Variants in PIK3CD observed in about 807,000 individuals in gnomAD.
PIK3CD encodes phosphatidylinositol-4,5-bisphosphate 3-kinase catalytic subunit delta.
PIK3CD carries 20 observed loss-of-function variants against 122.9 expected under a neutral mutation model. That is an observed-to-expected ratio of 0.16 (90% CI 0.11 to 0.24). PIK3CD has a LOEUF of 0.24. PIK3CD is among the 10% of genes least tolerant of loss of function. The pLI is 1.00. For missense variants in PIK3CD, 787 were observed against 1,406.3 expected (o/e 0.56, Z 7.04); for synonymous variants, 596 against 593.4 (o/e 1.00, Z -0.06).
At chr1:9,725,585 G>T (rs1649411477) in intron 23 of PIK3CD, among the ~76,000 whole-genome samples, 1 of 148,934 alleles carries the variant, frequency 6.7e-6, no homozygotes. Context: ...AATAAAAAAA[G>T]ATATTTTTCC....
At chr1:9,671,964 T>C (rs1308884021) in intron 1 of PIK3CD, among the ~76,000 whole-genome samples, 15 of 152,148 alleles carry the variant, frequency 9.9e-5, no homozygotes, top group Admixed American at 9.8e-4. Context: ...GATTCTGGTG[T>C]CACCTGTGAG....
At position 9,710,650 on chromosome 1, in the gene PIK3CD, GAGAGAC is replaced by G; in HGVS notation, c.141+56_141+61del. ...TGGTGCTCAGAGAGAGAGAGAGAGA[GAGAGAC>G]ACAGATAGACAGACAGACAGACAGA... is the stretch of plus-strand genomic sequence containing the variant. On this transcript the variant is annotated intron_variant, in intron 3 of 23. Coordinates refer to ENST00000377346, the MANE Select transcript of PIK3CD (RefSeq NM_005026.5). The surrounding 1 kb of genome is among the most constrained non-coding windows in gnomAD (Gnocchi z 4.7). 2 of 1,583,528 alleles carry G rather than the reference GAGAGAC, an allele frequency of 1.3e-6. No individual in the cohort carries two copies. Among genetic ancestry groups the G allele is most frequent in the South Asian group, 1.1e-5 (1 of 90,388 alleles).
At chr1:9,677,016 C>T (rs1274588366) in intron 1 of PIK3CD, among the ~76,000 whole-genome samples, 1 of 152,168 alleles carries the variant, frequency 6.6e-6, no homozygotes, top group Non-Finnish European at 1.5e-5. Flanking sequence ...GTCCAGAGCC[C>T]TCTATGTCAT....
chr1:9,685,902 C>T (rs1311149287), intron 1 of PIK3CD, among the ~76,000 whole-genome samples: 3 of 152,174 alleles, frequency 2.0e-5, no homozygotes, highest in Non-Finnish European at 4.4e-5. Flanking sequence ...GTCTTGTCCC[C>T]ACTCAGCAGT....
intron 1 of PIK3CD, among the ~76,000 whole-genome samples, chr1:9,657,724 C>T (rs1303055686): frequency 6.6e-6 from 1 of 152,192 alleles, no homozygotes; most frequent in Non-Finnish European, 1.5e-5. Flanking sequence ...CTCTCTCTCT[C>T]TCTGAGGTCA....
intron 1 of PIK3CD, among the ~76,000 whole-genome samples, chr1:9,676,234 CA>C (rs996388451): frequency 2.0e-5 from 3 of 152,022 alleles, no homozygotes; most frequent in Non-Finnish European, 4.4e-5. Flanking sequence ...CCAGCCACAC[CA>C]AGCTAATTTT....
chr1:9,658,410 T>C (rs1644919644), intron 1 of PIK3CD, among the ~76,000 whole-genome samples: 1 of 150,484 alleles, frequency 6.6e-6, no homozygotes, highest in Non-Finnish European at 1.5e-5. Flanking sequence ...AAAAGTCATT[T>C]ATGTCCAGGT....
chr1:9,726,389 G>A (rs530758021), intron 23 of PIK3CD, among the ~76,000 whole-genome samples: 13 of 150,610 alleles, frequency 8.6e-5, no homozygotes, highest in Middle Eastern at 3.5e-3. Context: ...GCTGCCTGTA[G>A]TCCCAGCTAC....
Position 9,728,842 on chromosome 1 carries a change from G to GTTAA in PIK3CD, c.*1797_*1800dup, listed in dbSNP as rs1272003294. 1 of 152,182 alleles carries GTTAA rather than the reference G, an allele frequency of 6.6e-6. No individual in the cohort carries two copies. Among genetic ancestry groups the GTTAA allele is most frequent in the African/African-American group, 2.4e-5 (1 of 41,434 alleles). The allele number at this position is 152,182 out of a possible 1,614,324, so 9.4% of individuals were successfully genotyped here. A position where few individuals can be genotyped will look rare whatever the true frequency, so the allele number is the denominator to read the frequency against. On this transcript the variant is annotated 3_prime_UTR_variant, in exon 24 of 24. Transcript: ENST00000377346. ...GTTTCTGTCTGGGGAAGGCAAGTTA[G>GTTAA]TTAAGTATCACTGATGTGGGTTGAG...
chr1:9,635,404 T>G, the PIK3CD span, among the ~76,000 whole-genome samples: 1 of 152,074 alleles, frequency 6.6e-6, no homozygotes, highest in Non-Finnish European at 1.5e-5. Flanking sequence ...CCTCTGCATA[T>G]CCGCTCCTCT....
chr1:9,718,749 C>G lies in PIK3CD; in HGVS notation c.1076C>G (p.Ser359Cys). 1 of 1,609,754 alleles carries G rather than the reference C, an allele frequency of 6.2e-7. No individual in the cohort carries two copies. The highest frequency in any genetic ancestry group is 8.5e-7 in the Non-Finnish European group (1 of 1,179,946). ...HGNEMLCKTV[S>C]SSEVSVCSEP... Reference sequence around the variant, plus strand: ...AACGAGATGCTGTGCAAGACGGTGTCCAGCTCGGAGGTGAGCGTGTGCTCG... The same window carrying G: ...AACGAGATGCTGTGCAAGACGGTGTGCAGCTCGGAGGTGAGCGTGTGCTCG... Residue 359 changes from serine (S) to cysteine (C), a missense_variant, in exon 9 of 24, where the codon TCC becomes TGC. By Grantham distance (112) the Ser-to-Cys change is moderately radical. Transcript: ENST00000377346. The surrounding 1 kb of genome is among the most constrained non-coding windows in gnomAD (Gnocchi z 7.2).
intron 1 of PIK3CD, among the ~76,000 whole-genome samples, chr1:9,686,368 T>TC (rs1457504484): frequency 6.6e-6 from 1 of 150,640 alleles, no homozygotes; most frequent in African/African-American, 2.4e-5. Context: ...TAATTTTCTT[T>TC]TTTTTTTTTT....
At chr1:9,726,169 C>T (rs940670172) in intron 23 of PIK3CD, among the ~76,000 whole-genome samples, 13 of 151,410 alleles carry the variant, frequency 8.6e-5, no homozygotes, top group Non-Finnish European at 1.6e-4. Flanking sequence ...GCCTAGATCG[C>T]GCCACTGCAC....
chr1:9,728,869 C>CCA lies in PIK3CD; in HGVS notation c.*1824_*1825dup, dbSNP rs1650120068. 1 of 152,102 alleles carries CCA rather than the reference C, an allele frequency of 6.6e-6. No homozygotes were observed. Among genetic ancestry groups the CCA allele is most frequent in the Admixed American group, 6.5e-5 (1 of 15,268 alleles). The allele number at this position is 152,102 out of a possible 1,614,324, so 9.4% of individuals were successfully genotyped here. On this transcript the variant is annotated 3_prime_UTR_variant, in exon 24 of 24. Coordinates refer to ENST00000377346, the MANE Select transcript of PIK3CD (RefSeq NM_005026.5). ...TAAGTATCACTGATGTGGGTTGAGA[C>CCA]CAGCACTCTGTGAAACCTTGAAATG...
At position 9,724,457 on chromosome 1, in the gene PIK3CD, T is replaced by G. The variant is rs1203296962; in HGVS notation, c.2864+36T>G. The G allele has an allele frequency of 6.2e-7, 1 of 1,604,050 alleles. No homozygotes were observed. The highest frequency in any genetic ancestry group is 1.1e-5 in the South Asian group (1 of 91,026). The stretch of plus-strand genomic sequence containing the variant: ...CTGAGCCCCACCAGATGCCCCTCGG[T>G]GTGGGGCCCCAGGGAACAGGGCAGA... On this transcript the variant is annotated intron_variant, in intron 22 of 23. Transcript: ENST00000377346. This position sits in a 1 kb window ranked among gnomAD's most constrained non-coding sequence, Gnocchi z 7.3.
At chr1:9,714,401 G>T (rs957545176) in intron 3 of PIK3CD, among the ~76,000 whole-genome samples, 2 of 152,194 alleles carry the variant, frequency 1.3e-5, no homozygotes, top group Non-Finnish European at 2.9e-5. Context: ...AAATGAAGAG[G>T]CGTGGCTTTT....
At chr1:9,630,518 C>A in the PIK3CD span, among the ~76,000 whole-genome samples, 1 of 152,204 alleles carries the variant, frequency 6.6e-6, no homozygotes, top group South Asian at 2.1e-4. Flanking sequence ...AGGAGCCTGT[C>A]CAGATCCATG....
intron 3 of PIK3CD, among the ~76,000 whole-genome samples, chr1:9,712,525 C>T (rs1370421773): frequency 6.6e-5 from 10 of 152,126 alleles, no homozygotes; most frequent in African/African-American, 2.4e-4. Context: ...AAGTGATCTG[C>T]CCACCTTGGC....
At chr1:9,699,332 G>A (rs61785179) in intron 2 of PIK3CD, among the ~76,000 whole-genome samples, 13,829 of 152,166 alleles carry the variant, frequency 0.091, 844 homozygotes, top group Non-Finnish European at 0.13. Flanking sequence ...TCCTGCACAC[G>A]TCTCCTCATT....
Sources: allele counts gnomAD v4.1 joint callset (sites outside exome capture counted in the v4.1 genomes callset), GRCh38; gene constraint gnomAD v4.1.1; non-coding constraint Gnocchi (gnomAD v3.1); transcripts MANE v1.5; gene names NCBI Gene and HGNC (gene_info 2026-07-23, HGNC 2026-07-21).